The following CASK variants were observed in gnomAD, a reference collection of about 807,000 sequenced individuals.
CASK encodes calcium/calmodulin dependent serine protein kinase, also known as peripheral plasma membrane protein CASK.
CASK carries 4 observed loss-of-function variants against 82.9 expected under a neutral mutation model. The ratio of observed to expected loss-of-function variants is 0.05; its 90% CI spans 0.02 to 0.11. The LOEUF (loss-of-function observed/expected upper bound fraction) is 0.11, where lower values mean the gene tolerates loss of function less well. Ranked by LOEUF, CASK falls within the 10% of genes least tolerant of loss-of-function variation. CASK has a pLI of 1.00. For missense variants in CASK, 358 were observed against 720.9 expected, an observed-to-expected ratio of 0.50 and a Z score of 5.76; for synonymous variants, 259 against 253.5, an observed-to-expected ratio of 1.02 and a Z score of -0.20.
At chrX:41,770,634 C>T (rs925286443) in intron 3 of CASK, among the ~76,000 whole-genome samples, 2 of 111,006 alleles carry the variant, frequency 1.8e-5, no homozygotes, top group Non-Finnish European at 3.8e-5. Context: ...GGTGATCTGC[C>T]TGCCTCAGCC....
chrX:41,798,605 C>A (rs2069919095), intron 2 of CASK, among the ~76,000 whole-genome samples: 1 of 112,271 alleles, frequency 8.9e-6, no homozygotes, highest in Admixed American at 9.4e-5. Context: ...GAGGCCAAGG[C>A]AGGTGGATCA....
At chrX:41,691,230 C>T (rs1425620857) in intron 5 of CASK, among the ~76,000 whole-genome samples, 1 of 111,515 alleles carries the variant, frequency 9.0e-6, no homozygotes, top group Admixed American at 9.5e-5. Flanking sequence ...TTATGGCTAT[C>T]GGGTCTAGAA....
chrX:41,605,663 T>C (rs1041043920), intron 12 of CASK, among the ~76,000 whole-genome samples: 2 of 111,678 alleles, frequency 1.8e-5, no homozygotes, highest in African/African-American at 6.5e-5. Flanking sequence ...ATGTGGAACA[T>C]GGGAAGAAAG....
At chrX:41,687,731 G>C (rs1241584437) in intron 5 of CASK, among the ~76,000 whole-genome samples, 2 of 110,494 alleles carry the variant, frequency 1.8e-5, no homozygotes, top group Non-Finnish European at 3.8e-5. Flanking sequence ...GGCTGAGGTG[G>C]GTGGACCACC....
chrX:41,675,894 C>T, intron 5 of CASK: 1 of 1,204,905 alleles, frequency 8.3e-7, no homozygotes, highest in Non-Finnish European at 1.1e-6. Flanking sequence ...TCAAGTTCAG[C>T]AATGGCTTCA....
intron 3 of CASK, among the ~76,000 whole-genome samples, chrX:41,747,683 C>T (rs1317784237): frequency 3.6e-5 from 4 of 112,050 alleles, no homozygotes; most frequent in Non-Finnish European, 5.6e-5. Flanking sequence ...CCTCGTGATC[C>T]GCCCGCCTTG....
intron 11 of CASK, among the ~76,000 whole-genome samples, chrX:41,614,560 T>C (rs1175504726): frequency 9.2e-6 from 1 of 108,644 alleles, no homozygotes; most frequent in Non-Finnish European, 1.9e-5. Flanking sequence ...CTCGTTCTGT[T>C]GCCCAGGCTG....
At position 41,586,969 on chromosome X, in the gene CASK, A is replaced by C; in HGVS notation, c.1252T>G (p.Cys418Gly). The part of the protein sequence containing the change: ...RAKEVLEEIS[C>G]YPENNDAKEL... ...TTTGCGTCGTTATTCTCAGGGTAAC[A>C]TGAAATTTCTTCCAATACCTAAAAA... is the stretch of plus-strand genomic sequence containing the variant. Residue 418 changes from cysteine to glycine, a missense_variant, in exon 14 of 27, where the codon TGT becomes GGT. This residue lies in a region of CASK where 110 missense variants were observed against 218.8 expected (regional missense o/e 0.50). Coordinates refer to ENST00000378163, the MANE Select transcript of CASK (RefSeq NM_001367721.1). The C allele has an allele frequency of 8.7e-7, 1 of 1,154,609 alleles. No individual in the cohort carries two copies. The highest frequency in any genetic ancestry group is 1.2e-6 in the Non-Finnish European group (1 of 844,872).
chrX:41,901,206 G>A (rs1198996407), intron 1 of CASK, among the ~76,000 whole-genome samples: 2 of 112,029 alleles, frequency 1.8e-5, no homozygotes, highest in African/African-American at 6.5e-5. Context: ...CACTTGGCTG[G>A]GCATGGTGGT....
chrX:41,567,856 T>G (rs1358225659), intron 16 of CASK, among the ~76,000 whole-genome samples: 1 of 111,306 alleles, frequency 9.0e-6, no homozygotes, highest in African/African-American at 3.3e-5. Flanking sequence ...CCATCATTGA[T>G]AGACTGGATT....
At chrX:41,857,034 A>G (rs962782291) in intron 1 of CASK, among the ~76,000 whole-genome samples, 5 of 110,782 alleles carry the variant, frequency 4.5e-5, no homozygotes, top group Non-Finnish European at 7.6e-5. Flanking sequence ...GAAAAGACCT[A>G]AAGATAATGA....
chrX:41,534,392 A>AACACACACACAC (rs56349527), intron 24 of CASK, among the ~76,000 whole-genome samples: 4 of 91,222 alleles, frequency 4.4e-5, no homozygotes, highest in Admixed American at 1.3e-4. Context: ...TTTTATTTAA[A>AACACACACACAC]ACACACACAC....
intron 5 of CASK, among the ~76,000 whole-genome samples, chrX:41,717,664 TG>T (rs948593782): frequency 8.9e-6 from 1 of 112,036 alleles, no homozygotes; most frequent in African/African-American, 3.2e-5. Context: ...CAAGACTGAA[TG>T]GAAGCCTGCA....
At chrX:41,644,038 G>T (rs991287578) in intron 8 of CASK, among the ~76,000 whole-genome samples, 5 of 112,088 alleles carry the variant, frequency 4.5e-5, no homozygotes, top group Non-Finnish European at 7.5e-5. Flanking sequence ...TAATCATGTG[G>T]TTTTTGTTGT....
At chrX:41,704,245 A>T (rs978803181) in intron 5 of CASK, among the ~76,000 whole-genome samples, 1 of 111,808 alleles carries the variant, frequency 8.9e-6, no homozygotes, top group Non-Finnish European at 1.9e-5. Context: ...TTTTCTAATC[A>T]ATAAATTGAA....
At chrX:41,593,555 C>T (rs1411022427) in intron 12 of CASK, among the ~76,000 whole-genome samples, 1 of 111,593 alleles carries the variant, frequency 9.0e-6, no homozygotes, top group Non-Finnish European at 1.9e-5. Context: ...AAGGATTCAA[C>T]CCTTTGGAGA....
At chrX:41,798,860 G>C (rs192385142) in intron 2 of CASK, among the ~76,000 whole-genome samples, 2 of 111,777 alleles carry the variant, frequency 1.8e-5, no homozygotes, top group African/African-American at 6.5e-5. Context: ...GAACTAACAA[G>C]CTGCAAAGCA....
chrX:41,656,249 A>G (rs2066937859), intron 8 of CASK, among the ~76,000 whole-genome samples: 1 of 112,100 alleles, frequency 8.9e-6, no homozygotes, highest in African/African-American at 3.2e-5. Context: ...CAAAAGAGAC[A>G]GACACTGCCC....
chrX:41,812,765 A>G lies in CASK; in HGVS notation c.173-25482T>C, dbSNP rs190309981. On this transcript the variant is annotated intron_variant, in intron 2 of 26. Transcript: ENST00000378163. ...GGGTAATCAGGCAGGAGAAAGAAATAAAGGGTAACCAATTAGGAAAAGAGG... is the reference window on the plus strand; with the variant it reads ...GGGTAATCAGGCAGGAGAAAGAAATGAAGGGTAACCAATTAGGAAAAGAGG... Among the ~76,000 whole-genome samples, 19 of 111,749 alleles carry G rather than the reference A, an allele frequency of 1.7e-4. No individual in the cohort carries two copies. In the East Asian group the frequency reaches 5.3e-3, roughly 31 times the overall value.
Sources: allele counts gnomAD v4.1 joint callset (sites outside exome capture counted in the v4.1 genomes callset), GRCh38; gene constraint gnomAD v4.1.1; regional missense constraint gnomAD v4.1.1; transcripts MANE v1.5; gene names NCBI Gene and HGNC (gene_info 2026-07-23, HGNC 2026-07-21).